The following FAT3 variants were observed in gnomAD, a reference collection of about 807,000 sequenced individuals.
FAT3 encodes protocadherin Fat 3.
Under a neutral mutation model 310.2 loss-of-function variants are expected in FAT3, and 95 were observed. The observed-to-expected ratio is 0.31, with a 90% CI of 0.26 to 0.36. The LOEUF (loss-of-function observed/expected upper bound fraction) is 0.36. Ranked by LOEUF, FAT3 falls within the 10% of genes least tolerant of loss-of-function variation. The probability of loss-of-function intolerance (pLI) is 1.00; values close to 1 mark genes in which losing one functional copy is unlikely to be tolerated. For synonymous variants in FAT3, 2,314 were observed against 2,192.9 expected, an observed-to-expected ratio of 1.06 and a Z score of -1.54; for missense variants, 5,408 against 5,715.6, an observed-to-expected ratio of 0.95 and a Z score of 1.74.
At chr11:92,300,531 A>C (rs1946971926) in intron 1 of FAT3, among the ~76,000 whole-genome samples, 1 of 152,102 alleles carries the variant, frequency 6.6e-6, no homozygotes, top group Non-Finnish European at 1.5e-5. Flanking sequence ...TTTTCAGCAG[A>C]TCTTTTAATT....
At chr11:92,268,548 C>G (rs1946031822) in intron 1 of FAT3, among the ~76,000 whole-genome samples, 1 of 151,930 alleles carries the variant, frequency 6.6e-6, no homozygotes, top group African/African-American at 2.4e-5. Context: ...CCAACCTTCC[C>G]CATTCTTTGT....
At chr11:92,477,454 G>T (rs374487042) in intron 2 of FAT3, among the ~76,000 whole-genome samples, 15 of 152,212 alleles carry the variant, frequency 9.9e-5, no homozygotes, top group Admixed American at 6.5e-4. Flanking sequence ...GATAATTATT[G>T]TTTCTGTCCT....
In FAT3 at chr11:92,240,347, T is replaced by TGA. The variant is rs962857034; in HGVS notation, c.-18+15173_-18+15174insGA. Reference sequence around the variant, plus strand: ...ACAGATAGAACTTGAATATTCAAGATTTTCTTGAATGTCTTTTCAGTTTGT... The same window carrying TGA: ...ACAGATAGAACTTGAATATTCAAGATGATTTCTTGAATGTCTTTTCAGTTTGT... On this transcript the variant is annotated intron_variant, in intron 1 of 27. Transcript: ENST00000525166. 5.4e-4 allele frequency among the ~76,000 whole-genome samples: 82 copies of TGA among 152,212 alleles called. 1 individual carries two copies. Among genetic ancestry groups the TGA allele is most frequent in the African/African-American group, 1.9e-3 (78 of 41,550 alleles).
intron 2 of FAT3, among the ~76,000 whole-genome samples, chr11:92,451,578 G>A (rs1951352649): frequency 6.6e-6 from 1 of 152,162 alleles, no homozygotes. Context: ...AAGGGATATG[G>A]ACGTTAGTTA....
intron 3 of FAT3, among the ~76,000 whole-genome samples, chr11:92,673,839 C>T (rs1045962592): frequency 6.6e-6 from 1 of 152,216 alleles, no homozygotes; most frequent in Admixed American, 6.5e-5. Context: ...TCCTCCTAGA[C>T]TTCCAGGAGG....
intron 3 of FAT3, among the ~76,000 whole-genome samples, chr11:92,605,358 G>T (rs1038556145): frequency 2.0e-5 from 3 of 152,142 alleles, no homozygotes; most frequent in African/African-American, 7.2e-5. Flanking sequence ...CTTCCAGGTG[G>T]GCTGCAGTGT....
At chr11:92,786,494 A>G (rs1158141297) in intron 7 of FAT3, among the ~76,000 whole-genome samples, 1 of 152,160 alleles carries the variant, frequency 6.6e-6, no homozygotes, top group Non-Finnish European at 1.5e-5. Flanking sequence ...AAATATATGA[A>G]AAGTTTCTCC....
intron 4 of FAT3, among the ~76,000 whole-genome samples, chr11:92,731,882 G>C (rs1488172987): frequency 2.0e-5 from 3 of 152,126 alleles, no homozygotes; most frequent in African/African-American, 4.8e-5. Context: ...GTGTCATAAT[G>C]CTAGTACCTA....
intron 1 of FAT3, among the ~76,000 whole-genome samples, chr11:92,252,970 G>C (rs1865190115): frequency 6.6e-6 from 1 of 152,098 alleles, no homozygotes; most frequent in African/African-American, 2.4e-5. Flanking sequence ...ATACATTGCA[G>C]ATATTCCATT....
rs888749776 is a variant in FAT3 at position 92,224,843 on chromosome 11, A to T, written c.-349A>T. Among the ~76,000 whole-genome samples the T allele has an allele frequency of 6.6e-6, 1 of 151,504 alleles. No homozygotes were observed. Among genetic ancestry groups the T allele is most frequent in the East Asian group, 2.0e-4 (1 of 5,114 alleles). Reference sequence around the variant, plus strand: ...AGTAGCGGCGGCGGCTGCAGCTCGGAGCAGACAGGAGAGCCGGCGCTCCTC... The same window carrying T: ...AGTAGCGGCGGCGGCTGCAGCTCGGTGCAGACAGGAGAGCCGGCGCTCCTC... On this transcript the variant is annotated 5_prime_UTR_variant, in exon 1 of 28. Transcript: ENST00000525166.
chr11:92,322,439 G>A (rs1947648656), intron 1 of FAT3, among the ~76,000 whole-genome samples: 1 of 152,148 alleles, frequency 6.6e-6, no homozygotes, highest in South Asian at 2.1e-4. Context: ...TGAAGTTTGT[G>A]GTGGCAGAGG....
At chr11:92,884,592 A>G (rs529074060) in intron 24 of FAT3, among the ~76,000 whole-genome samples, 14 of 152,314 alleles carry the variant, frequency 9.2e-5, no homozygotes, top group Non-Finnish European at 1.8e-4. Context: ...AGATGGAGCT[A>G]GAGACCATGG....
intron 1 of FAT3, among the ~76,000 whole-genome samples, chr11:92,226,244 C>G (rs1863903225): frequency 1.3e-5 from 2 of 152,214 alleles, no homozygotes; most frequent in Admixed American, 6.5e-5. Flanking sequence ...TGCATGATGG[C>G]GAGCCCGGAT....
At chr11:92,430,724 T>C (rs948825834) in intron 2 of FAT3, among the ~76,000 whole-genome samples, 1 of 151,618 alleles carries the variant, frequency 6.6e-6, no homozygotes, top group African/African-American at 2.4e-5. Flanking sequence ...TGTTTTCTCA[T>C]TGTTCAATTC....
chr11:92,261,540 T>A (rs1052375238), intron 1 of FAT3, among the ~76,000 whole-genome samples: 3 of 152,146 alleles, frequency 2.0e-5, no homozygotes, highest in African/African-American at 7.2e-5. Context: ...TATTTTCTTA[T>A]ATATAGAATT....
chr11:92,524,598 T>C lies in FAT3; in HGVS notation c.3293-36T>C, dbSNP rs748312944. ...GATTATTTATTTAATGTCTTCCCTT[T>C]CTCTGTGACAGTAACACTTCTCTTT... On this transcript the variant is annotated intron_variant, in intron 2 of 27. Transcript: ENST00000525166. The C allele has an allele frequency of 4.4e-6, 7 of 1,584,258 alleles. No individual in the cohort carries two copies. In the Admixed American group the frequency reaches 1.0e-4, roughly 24 times the overall value.
At chr11:92,826,998 A>G (rs1326799498) in intron 13 of FAT3, among the ~76,000 whole-genome samples, 1 of 152,198 alleles carries the variant, frequency 6.6e-6, no homozygotes, top group East Asian at 1.9e-4. Context: ...CTCAGTGTAT[A>G]TGCTGTGTTG....
At chr11:92,528,032 A>T (rs1953931725) in intron 3 of FAT3, among the ~76,000 whole-genome samples, 1 of 152,250 alleles carries the variant, frequency 6.6e-6, no homozygotes, top group Non-Finnish European at 1.5e-5. Flanking sequence ...GATTAAAATG[A>T]TTAACGCCAA....
intron 2 of FAT3, among the ~76,000 whole-genome samples, chr11:92,363,953 C>G (rs1365362659): frequency 1.3e-5 from 2 of 152,092 alleles, no homozygotes; most frequent in Non-Finnish European, 2.9e-5. Context: ...TTTTATTACT[C>G]TTTTCAGCAG....
Sources: allele counts gnomAD v4.1 joint callset (sites outside exome capture counted in the v4.1 genomes callset), GRCh38; gene constraint gnomAD v4.1.1; transcripts MANE v1.5; gene names NCBI Gene and HGNC (gene_info 2026-07-23, HGNC 2026-07-21).